Variants in NPNT observed in about 807,000 individuals in gnomAD.
NPNT encodes preosteoblast EGF-like repeat protein with MAM domain.
Under a neutral mutation model 68.6 loss-of-function variants are expected in NPNT, and 45 were observed. The observed-to-expected ratio is 0.66, with a 90% CI of 0.52 to 0.84. NPNT has a LOEUF of 0.84. NPNT is among the 40% of genes least tolerant of loss of function. The pLI is 0.00. For missense variants in NPNT, 672 were observed against 714.8 expected (o/e 0.94, Z 0.68); for synonymous variants, 233 against 253.3 (o/e 0.92, Z 0.76).
chr4:105,935,915 CTA>C (rs1447723143), intron 3 of NPNT, among the ~76,000 whole-genome samples: 1 of 152,132 alleles, frequency 6.6e-6, no homozygotes, highest in Non-Finnish European at 1.5e-5. Flanking sequence ...AATTTTGTCA[CTA>C]GACATATTAT....
rs1052130367 is a variant in NPNT at position 105,934,124 on chromosome 4, G to C, written c.266-2885G>C. Among the ~76,000 whole-genome samples, 3 of 152,124 alleles carry C rather than the reference G, an allele frequency of 2.0e-5. No individual in the cohort carries two copies. The South Asian group carries it at 6.2e-4, about 32-fold the overall frequency. ...CAACTTTTAAGATTTATTTGAGACA[G>C]TATGATCAATGACTTCATTTTGTTC... On this transcript the variant is annotated intron_variant, in intron 3 of 11. Transcript: ENST00000379987.
At chr4:105,922,670 A>G (rs1011518264) in intron 2 of NPNT, among the ~76,000 whole-genome samples, 2 of 152,130 alleles carry the variant, frequency 1.3e-5, no homozygotes, top group African/African-American at 2.4e-5. Context: ...GACATGTGAC[A>G]TTAAAGAGCT....
At chr4:105,943,209 G>A (rs139021846) in intron 8 of NPNT, among the ~76,000 whole-genome samples, 2 of 152,348 alleles carry the variant, frequency 1.3e-5, no homozygotes, top group East Asian at 3.9e-4. Flanking sequence ...AGAGATCTGT[G>A]TAGGACACTA....
At chr4:105,945,197 T>C (rs1293982728) in intron 8 of NPNT, among the ~76,000 whole-genome samples, 1 of 152,242 alleles carries the variant, frequency 6.6e-6, no homozygotes, top group Non-Finnish European at 1.5e-5. Flanking sequence ...TTATGGGGTA[T>C]GAAAGATTTC....
At chr4:105,928,613 C>CAAAAAAAAAAAAAAAAATAAAA (rs75354182) in intron 3 of NPNT, among the ~76,000 whole-genome samples, 1 of 92,496 alleles carries the variant, frequency 1.1e-5, no homozygotes, top group Non-Finnish European at 2.3e-5. Context: ...AACTCTGTCT[C>CAAAAAAAAAAAAAAAAATAAAA]AAAAAAAAAA....
chr4:105,907,069 A>G (rs1414241469), intron 2 of NPNT, among the ~76,000 whole-genome samples: 1 of 152,162 alleles, frequency 6.6e-6, no homozygotes, highest in Non-Finnish European at 1.5e-5. Context: ...AGTAACCTCA[A>G]CTGTTTTCTT....
intron 3 of NPNT, among the ~76,000 whole-genome samples, chr4:105,934,123 A>G (rs72968697): frequency 6.6e-6 from 1 of 152,154 alleles, no homozygotes; most frequent in Non-Finnish European, 1.5e-5. Flanking sequence ...TATTTGAGAC[A>G]GTATGATCAA....
intron 2 of NPNT, among the ~76,000 whole-genome samples, chr4:105,901,644 C>T (rs1237630324): frequency 6.6e-6 from 1 of 152,174 alleles, no homozygotes; most frequent in Non-Finnish European, 1.5e-5. Context: ...TATCATTTAT[C>T]CTTAAGAACA....
At chr4:105,928,012 T>C (rs1728819628) in intron 3 of NPNT, among the ~76,000 whole-genome samples, 1 of 152,216 alleles carries the variant, frequency 6.6e-6, no homozygotes, top group Non-Finnish European at 1.5e-5. Context: ...TTTATATATA[T>C]AATCCATTTT....
At chr4:105,950,314 A>G (rs1179943733) in intron 8 of NPNT, among the ~76,000 whole-genome samples, 1 of 145,834 alleles carries the variant, frequency 6.9e-6, no homozygotes, top group East Asian at 2.0e-4. Flanking sequence ...CTAAAATAAC[A>G]TAGGATGTTT....
At chr4:105,947,084 A>T (rs918730113) in intron 8 of NPNT, among the ~76,000 whole-genome samples, 1 of 152,212 alleles carries the variant, frequency 6.6e-6, no homozygotes, top group Non-Finnish European at 1.5e-5. Flanking sequence ...CCTTGCTAGG[A>T]AAAGAATTTA....
intron 2 of NPNT, among the ~76,000 whole-genome samples, chr4:105,920,407 A>C (rs1303102859): frequency 2.0e-5 from 3 of 151,290 alleles, no homozygotes; most frequent in East Asian, 1.9e-4. Flanking sequence ...AAAAAAAAAA[A>C]AAAAAAAAAA....
chr4:105,951,104 C>A (rs1730800361), intron 8 of NPNT, among the ~76,000 whole-genome samples: 1 of 152,136 alleles, frequency 6.6e-6, no homozygotes, highest in South Asian at 2.1e-4. Context: ...CAGCTCCAAC[C>A]CAGCAGAACC....
Position 105,961,401 on chromosome 4 carries a change from A to G in NPNT, c.1345+2275A>G, listed in dbSNP as rs73836928. Among the ~76,000 whole-genome samples the G allele has an allele frequency of 6.3e-3, 966 of 152,322 alleles. 10 individuals are homozygous for G. The highest frequency in any genetic ancestry group is 0.022 in the African/African-American group (922 of 41,568). ...TATGACAGAATGGTGAATAATATTT[A>G]TGGTCATAATGAATGATTCCTTCAA... On this transcript the variant is annotated intron_variant, in intron 10 of 11. Transcript: ENST00000379987.
chr4:105,954,772 C>A (rs1731087908), intron 8 of NPNT, among the ~76,000 whole-genome samples: 1 of 152,202 alleles, frequency 6.6e-6, no homozygotes, highest in Non-Finnish European at 1.5e-5. Context: ...AGCATCACTT[C>A]TCAGAGATTT....
intron 2 of NPNT, among the ~76,000 whole-genome samples, chr4:105,901,424 G>C (rs1726408613): frequency 6.6e-6 from 1 of 152,146 alleles, no homozygotes; most frequent in Non-Finnish European, 1.5e-5. Flanking sequence ...ATTTTTGTAT[G>C]GTTGTCCTTC....
At chr4:105,898,312 GTC>G (rs1386038909) in intron 2 of NPNT, among the ~76,000 whole-genome samples, 18 of 39,136 alleles carry the variant, frequency 4.6e-4, no homozygotes, top group Admixed American at 1.2e-3. Context: ...CTCTCTCTCT[GTC>G]TCTCTCTCTC....
chr4:105,968,762 T>C (rs1732364742), intron 11 of NPNT, 133 bp from the exon 12 acceptor site: 3 of 593,098 alleles, frequency 5.1e-6, no homozygotes, highest in South Asian at 2.3e-5. Context: ...CTGGCAACTA[T>C]ATTCTGTTTT....
Position 105,970,258 on chromosome 4 carries a change from C to G in NPNT, c.*1268C>G, listed in dbSNP as rs1307792208. ...AATTCTAAGATCCATGAACCCCCAACTGTATTTCCTCCCTGCATATTTTAC... is the reference window on the plus strand; with the variant it reads ...AATTCTAAGATCCATGAACCCCCAAGTGTATTTCCTCCCTGCATATTTTAC... On this transcript the variant is annotated 3_prime_UTR_variant, in exon 12 of 12. Transcript: ENST00000379987. 5.2e-6 allele frequency: 3 copies of G among 575,966 alleles called. No individual in the cohort carries two copies. In the African/African-American group the frequency reaches 5.6e-5, roughly 11 times the overall value. The allele number at this position is 575,966 out of a possible 1,614,324, so 35.7% of individuals were successfully genotyped here.
Sources: allele counts gnomAD v4.1 joint callset (sites outside exome capture counted in the v4.1 genomes callset), GRCh38; gene constraint gnomAD v4.1.1; transcripts MANE v1.5; gene names NCBI Gene and HGNC (gene_info 2026-07-23, HGNC 2026-07-21).